FARS2: variants seen among roughly 807,000 people sequenced by gnomAD.
FARS2 encodes the protein phenylalanine--tRNA ligase, mitochondrial.
A neutral mutation model predicts 46.4 loss-of-function variants in FARS2; 40 were observed. That is an observed-to-expected ratio of 0.86 (90% CI 0.67 to 1.12). FARS2 has a LOEUF of 1.12. Ranked by LOEUF, FARS2 falls within the 50% of genes most tolerant of loss-of-function variation. The probability of loss-of-function intolerance (pLI) is 0.00; values close to 1 mark genes in which losing one functional copy is unlikely to be tolerated. For missense variants in FARS2, 513 were observed against 567.9 expected (o/e 0.90, Z 0.98); for synonymous variants, 234 against 214.9 (o/e 1.09, Z -0.78).
intron 3 of FARS2, among the ~76,000 whole-genome samples, chr6:5,414,807 G>T (rs1268706602): frequency 7.4e-6 from 1 of 135,728 alleles, no homozygotes; most frequent in Admixed American, 7.9e-5. Flanking sequence ...GTAGGTATAT[G>T]ACTGTTTTTT....
chr6:5,668,112 G>A (rs1255519136), intron 6 of FARS2: 1 of 152,206 alleles, frequency 6.6e-6, no homozygotes, highest in Non-Finnish European at 1.5e-5. Context: ...TAAATGGTAG[G>A]TCTGAAAACA....
At chr6:5,515,391 T>G (rs1768724723) in intron 4 of FARS2, among the ~76,000 whole-genome samples, 1 of 152,112 alleles carries the variant, frequency 6.6e-6, no homozygotes, top group African/African-American at 2.4e-5. Context: ...TTAGAAAAAG[T>G]AGTGCTTGAA....
intron 6 of FARS2, among the ~76,000 whole-genome samples, chr6:5,622,204 C>G (rs905727609): frequency 6.6e-6 from 1 of 152,220 alleles, no homozygotes; most frequent in Non-Finnish European, 1.5e-5. Context: ...GAGCAGGAAG[C>G]CCTCGGCAGA....
Position 5,382,620 on chromosome 6 carries a change from A to G in FARS2, c.612+13438A>G, listed in dbSNP as rs138047170. On this transcript the variant is annotated intron_variant, in intron 2 of 6. Coordinates refer to ENST00000274680, the MANE Select transcript of FARS2 (RefSeq NM_006567.5). The stretch of plus-strand genomic sequence containing the variant: ...AGTATGTGAAGTCTACAACCAACTC[A>G]GGCTACCACTGAAGATCCACTGATA... Among the ~76,000 whole-genome samples the G allele has an allele frequency of 2.6e-3, 397 of 152,338 alleles. 4 individuals carry two copies. The highest frequency in any genetic ancestry group is 9.2e-3 in the African/African-American group (382 of 41,574).
chr6:5,339,650 G>C, intron 1 of FARS2, among the ~76,000 whole-genome samples: 1 of 151,988 alleles, frequency 6.6e-6, no homozygotes, highest in Non-Finnish European at 1.5e-5. Context: ...GCCCAAGCTG[G>C]TCTCAAACTC....
chr6:5,566,756 A>C (rs1772345418), intron 5 of FARS2, among the ~76,000 whole-genome samples: 1 of 152,234 alleles, frequency 6.6e-6, no homozygotes, highest in Non-Finnish European at 1.5e-5. Context: ...AATCCTTTTA[A>C]ATCCCTTGTT....
chr6:5,417,065 C>T (rs1050318809), intron 3 of FARS2, among the ~76,000 whole-genome samples: 1 of 152,134 alleles, frequency 6.6e-6, no homozygotes, highest in African/African-American at 2.4e-5. Flanking sequence ...CATCTGGGTT[C>T]CCAACTGATA....
At chr6:5,399,162 T>C (rs1453105708) in intron 2 of FARS2, among the ~76,000 whole-genome samples, 2 of 132,104 alleles carry the variant, frequency 1.5e-5, no homozygotes, top group African/African-American at 5.9e-5. Flanking sequence ...TTATTATTAT[T>C]ATTATTATTA....
At chr6:5,254,214 C>T in the FARS2 span, among the ~76,000 whole-genome samples, 1 of 152,330 alleles carries the variant, frequency 6.6e-6, no homozygotes, top group East Asian at 1.9e-4. Context: ...ACAAAACCAA[C>T]GCTTCACAAG....
chr6:5,637,165 G>C (rs1561769109), intron 6 of FARS2, among the ~76,000 whole-genome samples: 2 of 152,214 alleles, frequency 1.3e-5, no homozygotes, highest in Non-Finnish European at 2.9e-5. Flanking sequence ...AGAACCCAGA[G>C]CTGACAGGGA....
In FARS2 at chr6:5,296,654, G is replaced by A. The variant is rs115897142; in HGVS notation, c.-22+34994G>A. ...TGAATTTAACCACTCTAGGAACTTC[G>A]TATGAGTGGAATCATACAGTATTTG... On this transcript the variant is annotated intron_variant, in intron 1 of 6. Transcript: ENST00000274680. 2.1e-3 allele frequency among the ~76,000 whole-genome samples: 317 copies of A among 152,240 alleles called. 2 individuals are homozygous for A. Among genetic ancestry groups the A allele is most frequent in the African/African-American group, 7.4e-3 (306 of 41,538 alleles).
chr6:5,432,062 C>T (rs903717191), intron 4 of FARS2, among the ~76,000 whole-genome samples: 39 of 149,972 alleles, frequency 2.6e-4, no homozygotes, highest in East Asian at 3.9e-4. Context: ...TTTAGGAGGC[C>T]GTCCCAGCAC....
chr6:5,260,588 G>C, upstream of FARS2: 4 of 1,294,118 alleles, frequency 3.1e-6, no homozygotes, highest in Non-Finnish European at 4.3e-6. Flanking sequence ...GCGTCAGCCC[G>C]CACCCCCGGT....
intron 3 of FARS2, among the ~76,000 whole-genome samples, chr6:5,407,029 A>C (rs1269899781): frequency 7.2e-6 from 1 of 139,192 alleles, no homozygotes; most frequent in Non-Finnish European, 1.5e-5. Flanking sequence ...ATGGGTGAAC[A>C]TGAAGGTGGC....
At chr6:5,763,032 G>C (rs1762564987) in intron 6 of FARS2, among the ~76,000 whole-genome samples, 1 of 152,180 alleles carries the variant, frequency 6.6e-6, no homozygotes. Context: ...AATAGATGGA[G>C]GGGGCGAAGA....
At chr6:5,254,852 G>A in the FARS2 span, among the ~76,000 whole-genome samples, 1 of 152,032 alleles carries the variant, frequency 6.6e-6, no homozygotes, top group Non-Finnish European at 1.5e-5. Flanking sequence ...CTGCTCTATC[G>A]GTTATCTACT....
At chr6:5,298,123 A>G (rs561370956) in intron 1 of FARS2, among the ~76,000 whole-genome samples, 26 of 152,338 alleles carry the variant, frequency 1.7e-4, no homozygotes, top group African/African-American at 5.5e-4. Context: ...TGTGAAGAGG[A>G]TATGCATTTT....
intron 6 of FARS2, among the ~76,000 whole-genome samples, chr6:5,635,950 T>C (rs1380074366): frequency 6.6e-6 from 1 of 152,116 alleles, no homozygotes; most frequent in Non-Finnish European, 1.5e-5. Context: ...TATCTATTGG[T>C]ATTTCAAAAA....
the FARS2 span, among the ~76,000 whole-genome samples, chr6:5,252,547 C>T: frequency 3.3e-3 from 505 of 152,322 alleles, 5 homozygotes; most frequent in African/African-American, 0.011. Flanking sequence ...GCATGTCCAC[C>T]TCTGTGGCTG....
Sources: allele counts gnomAD v4.1 joint callset (sites outside exome capture counted in the v4.1 genomes callset), GRCh38; gene constraint gnomAD v4.1.1; transcripts MANE v1.5; gene names NCBI Gene and HGNC (gene_info 2026-07-23, HGNC 2026-07-21).